Variants in ZNF469 observed in about 807,000 individuals in gnomAD.
ZNF469 encodes zinc finger protein 469.
In ZNF469, 1 loss-of-function variant was observed where a neutral mutation model predicts 1.0. That is an observed-to-expected ratio of 1.00 (90% confidence interval 0.35 to 4.73). The LOEUF (loss-of-function observed/expected upper bound fraction) is 4.73, where lower values mean the gene tolerates loss of function less well. Ranked by LOEUF, ZNF469 falls within the 30% of genes most tolerant of loss-of-function variation. The probability of loss-of-function intolerance (pLI) is 0.16; values close to 1 mark genes in which losing one functional copy is unlikely to be tolerated. For missense variants in ZNF469, 6,100 were observed against 5,356.3 expected, an observed-to-expected ratio of 1.14 and a Z score of -4.33; for synonymous variants, 2,703 against 2,363.4, an observed-to-expected ratio of 1.14 and a Z score of -4.17.
At chr16:88,363,763 C>A in the ZNF469 span, among the ~76,000 whole-genome samples, 3 of 152,188 alleles carry the variant, frequency 2.0e-5, no homozygotes, top group Admixed American at 6.5e-5. Flanking sequence ...AAATACTCAT[C>A]CTTTTTTCCA....
intron 1 of ZNF469, among the ~76,000 whole-genome samples, chr16:88,414,517 G>T (rs1905255880): frequency 6.6e-6 from 1 of 152,254 alleles, no homozygotes; most frequent in East Asian, 1.9e-4. Context: ...AGAGCCGTGA[G>T]GGCAGAGGCC....
the ZNF469 span, among the ~76,000 whole-genome samples, chr16:88,136,461 G>A: frequency 6.6e-6 from 1 of 152,264 alleles, no homozygotes; most frequent in East Asian, 1.9e-4. Context: ...GATGGCGGCA[G>A]CAGGGTCTAT....
the ZNF469 span, among the ~76,000 whole-genome samples, chr16:88,229,776 C>T: frequency 4.6e-5 from 7 of 152,114 alleles, no homozygotes; most frequent in Non-Finnish European, 8.8e-5. Flanking sequence ...AACTGCTTCC[C>T]ACAACAATGG....
chr16:88,411,583 G>C (rs1054268816), intron 1 of ZNF469, among the ~76,000 whole-genome samples: 5 of 150,814 alleles, frequency 3.3e-5, no homozygotes, highest in African/African-American at 7.3e-5. Context: ...AGGTGTGTTT[G>C]GAAGGACCCC....
chr16:88,256,886 T>TTTCTTTCTTTCTCTCTCTC, the ZNF469 span, among the ~76,000 whole-genome samples: 1 of 101,848 alleles, frequency 9.8e-6, no homozygotes, highest in African/African-American at 3.4e-5. Context: ...TTTTCTTTTC[T>TTTCTTTCTTTCTCTCTCTC]TTTCTTTCCT....
At chr16:88,256,678 A>C in the ZNF469 span, among the ~76,000 whole-genome samples, 2 of 152,146 alleles carry the variant, frequency 1.3e-5, no homozygotes, top group Non-Finnish European at 2.9e-5. Flanking sequence ...ATCAGCAATG[A>C]GTGAGAGTTC....
chr16:88,268,106 T>C, the ZNF469 span, among the ~76,000 whole-genome samples: 2 of 152,228 alleles, frequency 1.3e-5, no homozygotes, highest in East Asian at 3.9e-4. Flanking sequence ...TTATTTGCCA[T>C]TGACATGTCG....
the ZNF469 span, among the ~76,000 whole-genome samples, chr16:88,235,601 T>G: frequency 0.018 from 2,805 of 152,308 alleles, 80 homozygotes; most frequent in African/African-American, 0.065. Flanking sequence ...GCTCCTTCCT[T>G]GTCTTGAATT....
At chr16:88,203,322 G>A in the ZNF469 span, among the ~76,000 whole-genome samples, 1 of 152,150 alleles carries the variant, frequency 6.6e-6, no homozygotes. Context: ...TCATCCGCCC[G>A]CTCTGTGCCC....
the ZNF469 span, among the ~76,000 whole-genome samples, chr16:88,315,848 C>T: frequency 6.6e-6 from 1 of 152,212 alleles, no homozygotes; most frequent in Non-Finnish European, 1.5e-5. Context: ...GCAGGAAGAG[C>T]AGCTGGTCCT....
the ZNF469 span, among the ~76,000 whole-genome samples, chr16:88,239,693 A>T: frequency 5.8e-4 from 5 of 8,608 alleles, no homozygotes; most frequent in African/African-American, 3.3e-3. Context: ...ATATATATAT[A>T]TATATATATA....
chr16:88,274,671 C>G, the ZNF469 span, among the ~76,000 whole-genome samples: 1 of 152,202 alleles, frequency 6.6e-6, no homozygotes, highest in Admixed American at 6.5e-5. Context: ...GCTCATTTTT[C>G]TGTGTTTCTG....
the ZNF469 span, among the ~76,000 whole-genome samples, chr16:88,187,353 A>G: frequency 1.3e-5 from 2 of 152,372 alleles, no homozygotes; most frequent in Admixed American, 1.3e-4. Flanking sequence ...GCATGAGAAC[A>G]CACGTTCTAT....
the ZNF469 span, among the ~76,000 whole-genome samples, chr16:88,225,329 T>A: frequency 3.9e-5 from 6 of 152,168 alleles, no homozygotes; most frequent in African/African-American, 1.2e-4. Flanking sequence ...CGATTCAGAG[T>A]CCCTGAGGTT....
Position 88,430,551 on chromosome 16 carries a change from C to T in ZNF469, c.3081C>T (p.Arg1027=). 4.8e-6 allele frequency: 7 copies of T among 1,471,118 alleles called. No homozygotes were observed. Among genetic ancestry groups the T allele is most frequent in the Non-Finnish European group, 6.3e-6 (7 of 1,118,248 alleles). 91.1% of individuals were successfully genotyped at this position (1,471,118 alleles called of 1,614,324 possible). Reference sequence around the variant, plus strand: ...CCGAGGAGACCCGCAGCTCCCGGCGCCGCCGGCTGCCCCCCAGGAAGGACC... The same window carrying T: ...CCGAGGAGACCCGCAGCTCCCGGCGTCGCCGGCTGCCCCCCAGGAAGGACC... ...ALPEETRSSR[R]RRLPPRKDPR... The change falls in exon 3 of 3, where the codon CGC becomes CGT. Residue 1027 remains arginine (R), a synonymous_variant. Coordinates refer to ENST00000565624, the MANE Select transcript of ZNF469 (RefSeq NM_001367624.2).
At position 88,438,687 on chromosome 16, in the gene ZNF469, C is replaced by A; in HGVS notation, c.11217C>A (p.Arg3739=). 1 of 1,550,024 alleles carries A rather than the reference C, an allele frequency of 6.5e-7. No homozygotes were observed. Among genetic ancestry groups the A allele is most frequent in the Non-Finnish European group, 8.7e-7 (1 of 1,146,846 alleles). ...GCTCCCAGGGCAGTGGAAGCCCTCG[C>A]CCCGGCACCAAGACAGGAGGTGGCA... The part of the protein sequence containing the change: ...GPSSQGSGSP[R]PGTKTGGGSQ... The change falls in exon 3 of 3, where the codon CGC becomes CGA. Residue 3739 remains arginine, a synonymous_variant. Transcript: ENST00000565624.
At chr16:88,288,185 T>G in the ZNF469 span, among the ~76,000 whole-genome samples, 2 of 152,172 alleles carry the variant, frequency 1.3e-5, no homozygotes, top group Non-Finnish European at 2.9e-5. Flanking sequence ...TATCTGTACC[T>G]TGCTCTTGTG....
chr16:88,310,302 G>C, the ZNF469 span, among the ~76,000 whole-genome samples: 23 of 152,306 alleles, frequency 1.5e-4, no homozygotes, highest in East Asian at 1.7e-3. Context: ...GGGGAGCTGG[G>C]GGGTGGGAGC....
the ZNF469 span, among the ~76,000 whole-genome samples, chr16:88,330,318 C>T: frequency 1.3e-5 from 2 of 152,228 alleles, no homozygotes. Flanking sequence ...GCTGTGTGTA[C>T]TGTCGGATAC....
Sources: gnomAD v4.1 joint callset for allele counts (sites outside exome capture counted in the v4.1 genomes callset) on GRCh38, gnomAD v4.1.1 for gene constraint, MANE v1.5 for transcripts, NCBI Gene and HGNC (gene_info 2026-07-23, HGNC 2026-07-21) for gene names.